The following PIP5K1B variants were observed in gnomAD, a reference collection of about 807,000 sequenced individuals.
The protein encoded by PIP5K1B is phosphatidylinositol-4-phosphate 5-kinase type 1 beta.
A neutral mutation model predicts 67.0 loss-of-function variants in PIP5K1B; 42 were observed. The observed-to-expected ratio is 0.63, with a 90% CI of 0.49 to 0.81. The LOEUF (loss-of-function observed/expected upper bound fraction) is 0.81, where lower values mean the gene tolerates loss of function less well. Among genes scored for constraint, PIP5K1B ranks in the 30% least tolerant of loss-of-function variants. The pLI, the probability that PIP5K1B is intolerant of heterozygous loss-of-function variation, is 0.00. For synonymous variants in PIP5K1B, 214 were observed against 231.4 expected (o/e 0.92, Z 0.68); for missense variants, 459 against 646.3 (o/e 0.71, Z 3.14).
intron 3 of PIP5K1B, 22 bp from the exon 4 acceptor site, chr9:68,822,593 G>C: frequency 1.3e-6 from 2 of 1,570,156 alleles, no homozygotes; most frequent in Non-Finnish European, 1.7e-6. Context: ...GAAGTTCAAA[G>C]GGCAGTGTGT....
intron 2 of PIP5K1B, among the ~76,000 whole-genome samples, chr9:68,817,958 A>G (rs751753287): frequency 2.0e-5 from 3 of 152,064 alleles, no homozygotes; most frequent in Non-Finnish European, 4.4e-5. Flanking sequence ...GCTTTTTTGA[A>G]CTTTTCTTTG....
intron 1 of PIP5K1B, among the ~76,000 whole-genome samples, chr9:68,723,697 T>TTTTTTTTTTTTG (rs1828007146): frequency 3.8e-5 from 1 of 26,474 alleles, no homozygotes; most frequent in Non-Finnish European, 6.5e-5. Context: ...AGTATTTGGT[T>TTTTTTTTTTTTG]TTTTTTTTTT....
At chr9:68,771,962 CT>C in intron 2 of PIP5K1B, among the ~76,000 whole-genome samples, 1 of 152,124 alleles carries the variant, frequency 6.6e-6, no homozygotes, top group East Asian at 1.9e-4. Context: ...CACACCCACC[CT>C]TCTTTTTGTT....
chr9:68,827,241 G>C (rs942344292), intron 4 of PIP5K1B, among the ~76,000 whole-genome samples: 1 of 152,130 alleles, frequency 6.6e-6, no homozygotes, highest in Admixed American at 6.6e-5. Flanking sequence ...TGGAAGTATG[G>C]GCTGGCTCTA....
At chr9:68,853,713 A>T (rs916717848) in intron 4 of PIP5K1B, among the ~76,000 whole-genome samples, 1 of 152,298 alleles carries the variant, frequency 6.6e-6, no homozygotes, top group African/African-American at 2.4e-5. Flanking sequence ...AGTCCTGTCT[A>T]TGTGAAGACC....
intron 4 of PIP5K1B, among the ~76,000 whole-genome samples, chr9:68,825,070 AAC>A (rs1833913208): frequency 6.6e-6 from 1 of 152,258 alleles, no homozygotes; most frequent in Non-Finnish European, 1.5e-5. Flanking sequence ...ATTATTATTA[AAC>A]ATATGGTTTA....
intron 1 of PIP5K1B, among the ~76,000 whole-genome samples, chr9:68,717,689 A>G (rs1827700330): frequency 6.6e-6 from 1 of 152,076 alleles, no homozygotes; most frequent in Admixed American, 6.5e-5. Context: ...TAATACCATC[A>G]TCTTGGGGTT....
rs539866370 is a variant in PIP5K1B at position 68,788,299 on chromosome 9, C to T, written c.-85-30162C>T. ...TGTTCATGACTTTTCCCTCTGCAGA[C>T]TCTCCCTTCAGGTTCAAACTTGGAA... is the stretch of plus-strand genomic sequence containing the variant. On this transcript the variant is annotated intron_variant, in intron 2 of 15. Coordinates refer to ENST00000265382, the MANE Select transcript of PIP5K1B (RefSeq NM_003558.4). 22 of 670,652 alleles carry T rather than the reference C, an allele frequency of 3.3e-5. No homozygotes were observed. The South Asian group carries it at 3.3e-4, about 10-fold the overall frequency. The allele number at this position is 670,652 out of a possible 1,614,324, so 41.5% of individuals were successfully genotyped here. A position where few individuals can be genotyped will look rare whatever the true frequency, so the allele number is the denominator to read the frequency against.
At chr9:68,987,899 A>G (rs1830161852) in intron 14 of PIP5K1B, among the ~76,000 whole-genome samples, 1 of 152,224 alleles carries the variant, frequency 6.6e-6, no homozygotes, top group Admixed American at 6.5e-5. Flanking sequence ...CCTTCTCCCA[A>G]CACATGGGAA....
intron 13 of PIP5K1B, among the ~76,000 whole-genome samples, chr9:68,939,541 G>C (rs559188633): frequency 1.4e-4 from 22 of 152,328 alleles, no homozygotes; most frequent in African/African-American, 5.3e-4. Context: ...TCTAATTTTT[G>C]AAGGTTGAGC....
At chr9:68,918,113 A>T (rs1256395592) in intron 9 of PIP5K1B, among the ~76,000 whole-genome samples, 1 of 146,334 alleles carries the variant, frequency 6.8e-6, no homozygotes. Flanking sequence ...TTTTTGAGAC[A>T]GAGTCTCACT....
intron 4 of PIP5K1B, chr9:68,824,169 CAG>C: frequency 1.9e-6 from 1 of 519,014 alleles, no homozygotes; most frequent in East Asian, 5.4e-5. Flanking sequence ...TGGACCAACA[CAG>C]AGATGATTAC....
At chr9:68,968,394 C>T (rs1317443885) in intron 14 of PIP5K1B, among the ~76,000 whole-genome samples, 1 of 151,928 alleles carries the variant, frequency 6.6e-6, no homozygotes, top group Non-Finnish European at 1.5e-5. Flanking sequence ...GTGGTGCATG[C>T]CTGTAATCCC....
rs996790595 is a variant in PIP5K1B, at chr9:68,771,124, C to G, written c.-86+28467C>G. 2.6e-5 allele frequency among the ~76,000 whole-genome samples: 4 copies of G among 152,148 alleles called. No homozygotes were observed. In the East Asian group the frequency reaches 7.7e-4, roughly 29 times the overall value. On this transcript the variant is annotated intron_variant, in intron 2 of 15. Coordinates refer to ENST00000265382, the MANE Select transcript of PIP5K1B (RefSeq NM_003558.4). Reference sequence around the variant, plus strand: ...AGCTCTCTCGGATGCCTTTTTCACCCTGAAGAAATCATTGGCTCCTTCTGA... The same window carrying G: ...AGCTCTCTCGGATGCCTTTTTCACCGTGAAGAAATCATTGGCTCCTTCTGA...
rs140959387 is a variant in PIP5K1B at position 68,964,416 on chromosome 9, A to T, written c.1502+23626A>T. ...TTAGCTATCTCAGAACAGGACATGT[A>T]TTAATACATTGAACTTTGAATAAAT... On this transcript the variant is annotated intron_variant, in intron 14 of 15. Coordinates refer to ENST00000265382, the MANE Select transcript of PIP5K1B (RefSeq NM_003558.4). Among the ~76,000 whole-genome samples, 219 of 152,366 alleles carry T rather than the reference A, an allele frequency of 1.4e-3. 1 individual carries two copies. The highest frequency in any genetic ancestry group is 5.0e-3 in the African/African-American group (208 of 41,590).
At chr9:68,732,733 G>T (rs993591020) in intron 1 of PIP5K1B, among the ~76,000 whole-genome samples, 3 of 152,186 alleles carry the variant, frequency 2.0e-5, no homozygotes, top group African/African-American at 7.2e-5. Flanking sequence ...AGAGCTCAGA[G>T]TTAAGTAGCA....
At chr9:68,710,481 G>C (rs1420342174) in intron 1 of PIP5K1B, among the ~76,000 whole-genome samples, 1 of 152,102 alleles carries the variant, frequency 6.6e-6, no homozygotes, top group Non-Finnish European at 1.5e-5. Context: ...TATTCAGTCA[G>C]GTTCCTTTTC....
chr9:68,989,094 CAAAAAAAAAAAAA>C (rs71353097), intron 14 of PIP5K1B, among the ~76,000 whole-genome samples: 1 of 55,984 alleles, frequency 1.8e-5, no homozygotes, highest in East Asian at 7.4e-4. Flanking sequence ...GACTCCGTCT[CAAAAAAAAAAAAA>C]AAAAAAAAAA....
At chr9:68,883,798 C>T (rs1824317349) in intron 6 of PIP5K1B, among the ~76,000 whole-genome samples, 1 of 145,576 alleles carries the variant, frequency 6.9e-6, no homozygotes, top group Non-Finnish European at 1.5e-5. Context: ...GACACATTGA[C>T]CAAATAGGAT....
Sources: allele counts gnomAD v4.1 joint callset (sites outside exome capture counted in the v4.1 genomes callset), GRCh38; gene constraint gnomAD v4.1.1; transcripts MANE v1.5; gene names NCBI Gene and HGNC (gene_info 2026-07-23, HGNC 2026-07-21).